Variants in MFSD2B observed in about 807,000 individuals in gnomAD.
MFSD2B encodes the protein MFSD2 lysolipid transporter B, sphingolipid.
A neutral mutation model predicts 58.4 loss-of-function variants in MFSD2B; 56 were observed. The ratio of observed to expected loss-of-function variants is 0.96; its 90% CI spans 0.77 to 1.20. The LOEUF is 1.20. Ranked by LOEUF, MFSD2B falls within the 50% of genes most tolerant of loss-of-function variation. The pLI is 0.00. For synonymous variants in MFSD2B, 287 were observed against 294.4 expected (o/e 0.97, Z 0.26); for missense variants, 645 against 667.6 (o/e 0.97, Z 0.37).
Position 24,024,284 on chromosome 2 carries a change from C to T in MFSD2B, c.1490+13C>T, listed in dbSNP as rs139575327. Reference sequence around the variant, plus strand: ...TGAGCCTTCGGAGGTAAGCCCCGCACGCCCCCTGCAGCCAGCGAGGCACAG... The same window carrying T: ...TGAGCCTTCGGAGGTAAGCCCCGCATGCCCCCTGCAGCCAGCGAGGCACAG... On this transcript the variant is annotated intron_variant, in intron 13 of 13. Transcript: ENST00000338315. This position sits in a 1 kb window ranked among gnomAD's most constrained non-coding sequence, Gnocchi z 4.3. 2,860 of 1,588,832 alleles carry T rather than the reference C, an allele frequency of 1.8e-3. 5 individuals carry two copies. Among genetic ancestry groups the T allele is most frequent in the Non-Finnish European group, 2.1e-3 (2,491 of 1,169,172 alleles).
Position 24,025,677 on chromosome 2 carries a change from G to A in MFSD2B, c.*221G>A. On this transcript the variant is annotated 3_prime_UTR_variant, in exon 14 of 14. Coordinates refer to ENST00000338315, the MANE Select transcript of MFSD2B (RefSeq NM_001346880.2). ...CCTTCAGACTATCTCAGATAGGCCT[G>A]TGCCCCTGACTAGCCCAGTAGCACT... is the stretch of plus-strand genomic sequence containing the variant. 1.8e-6 allele frequency: 1 copy of A among 561,712 alleles called. No individual in the cohort carries two copies. Among genetic ancestry groups the A allele is most frequent in the Non-Finnish European group, 3.2e-6 (1 of 313,190 alleles). 34.8% of individuals were successfully genotyped at this position (561,712 alleles called of 1,614,324 possible). A position where few individuals can be genotyped will look rare whatever the true frequency, so the allele number is the denominator to read the frequency against.
chr2:24,010,696 G>A lies in MFSD2B; in HGVS notation c.96+504G>A, dbSNP rs530243528. ...AGGGAGGAGGGCAGGTGGGAGCGGC[G>A]GGGTCTTCGGGGCCCCTTGTCCCTT... is the stretch of plus-strand genomic sequence containing the variant. On this transcript the variant is annotated intron_variant, in intron 1 of 13. Coordinates refer to ENST00000338315, the MANE Select transcript of MFSD2B (RefSeq NM_001346880.2). 5.9e-5 allele frequency among the ~76,000 whole-genome samples: 9 copies of A among 152,318 alleles called. No homozygotes were observed. The South Asian group carries it at 1.4e-3, about 25-fold the overall frequency.
At chr2:24,019,594 G>C (rs949672661) in intron 6 of MFSD2B, among the ~76,000 whole-genome samples, 2 of 152,246 alleles carry the variant, frequency 1.3e-5, no homozygotes, top group East Asian at 3.9e-4. Context: ...ATGGTGGCAG[G>C]CACCTGTAAT....
In MFSD2B at chr2:24,022,072, G is replaced by A; in HGVS notation, c.894+102G>A. ...GCTTGAGTTTTATAGGGAGAAACCT[G>A]CGGCTGGCACATGGCTCAGAGGGGC... On this transcript the variant is annotated intron_variant, in intron 8 of 13. Transcript: ENST00000338315. The surrounding 1 kb of genome is among the most constrained non-coding windows in gnomAD (Gnocchi z 4.5). 1 of 1,390,946 alleles carries A rather than the reference G, an allele frequency of 7.2e-7. No homozygotes were observed. Among genetic ancestry groups the A allele is most frequent in the Non-Finnish European group, 1.0e-6 (1 of 999,742 alleles). 86.2% of individuals were successfully genotyped at this position (1,390,946 alleles called of 1,614,324 possible).
intron 6 of MFSD2B, chr2:24,018,509 G>A (rs936032304): frequency 1.1e-5 from 2 of 182,558 alleles, no homozygotes; most frequent in African/African-American, 2.4e-5. Context: ...CTGGGTGACC[G>A]ACTACCCCAG....
Position 24,010,129 on chromosome 2 carries a change from G to T in MFSD2B, c.33G>T (p.Gly11=), listed in dbSNP as rs1163189611. 1 of 1,462,694 alleles carries T rather than the reference G, an allele frequency of 6.8e-7. No individual in the cohort carries two copies. The highest frequency in any genetic ancestry group is 1.5e-5 in the African/African-American group (1 of 67,952). The allele number at this position is 1,462,694 out of a possible 1,614,324, so 90.6% of individuals were successfully genotyped here. ...CGCCCCCTGCACCAGCCGCCAAGGG[G>T]TCCCCGCAGCCGGAGCCGCACGCCC... MAAPPAPAAK[G]SPQPEPHAPE... Residue 11 remains glycine, a synonymous_variant, in exon 1 of 14, where the codon GGG becomes GGT. Coordinates refer to ENST00000338315, the MANE Select transcript of MFSD2B (RefSeq NM_001346880.2).
chr2:24,012,149 AAAAC>A lies in MFSD2B; in HGVS notation c.97-1134_97-1131del, dbSNP rs1168978935. On this transcript the variant is annotated intron_variant, in intron 1 of 13. Coordinates refer to ENST00000338315, the MANE Select transcript of MFSD2B (RefSeq NM_001346880.2). The surrounding 1 kb of genome is among the most constrained non-coding windows in gnomAD (Gnocchi z 4.5). ...TCTGGAAACAAACAAACAAACAAACAAAACACACACACACACACACACACACACA... is the reference window on the plus strand; with the variant it reads ...TCTGGAAACAAACAAACAAACAAACAACACACACACACACACACACACACA... Among the ~76,000 whole-genome samples, 1 of 89,990 alleles carries A rather than the reference AAAAC, an allele frequency of 1.1e-5. No homozygotes were observed. Among genetic ancestry groups the A allele is most frequent in the Non-Finnish European group, 2.5e-5 (1 of 40,738 alleles). The allele number at this position is 89,990 out of a possible 152,430, so 59.0% of individuals were successfully genotyped here.
At chr2:24,014,996 G>C (rs551307423) in intron 2 of MFSD2B, among the ~76,000 whole-genome samples, 4 of 152,244 alleles carry the variant, frequency 2.6e-5, no homozygotes, top group African/African-American at 9.6e-5. Context: ...GCACACGCCT[G>C]TAGTCACAGC....
chr2:24,016,774 C>T, intron 3 of MFSD2B, 71 bp from the exon 4 acceptor site: 2 of 1,578,608 alleles, frequency 1.3e-6, no homozygotes, highest in Non-Finnish European at 1.7e-6. Context: ...GGTGGGGTTC[C>T]TCCAGGCTGG....
chr2:24,023,733 C>G lies in MFSD2B; in HGVS notation c.1313+7C>G. 6.2e-7 allele frequency: 1 copy of G among 1,613,422 alleles called. No homozygotes were observed. Among genetic ancestry groups the G allele is most frequent in the African/African-American group, 1.3e-5 (1 of 75,038 alleles). ...TCTCCACCCTCAGTCTGGAGTGAGT[C>G]CCAGGGTTAGGATACAGCAGAGGCA... On this transcript the variant is annotated splice_region_variant and intron_variant, in intron 12 of 13. Transcript: ENST00000338315. The surrounding 1 kb of genome is among the most constrained non-coding windows in gnomAD (Gnocchi z 5.0).
Position 24,026,234 on chromosome 2 carries a change from A to G in MFSD2B, c.*778A>G, listed in dbSNP as rs1294213358. ...CAAAACAAGCGTAACTGAACAGAGT[A>G]TATATATGTATGTATATAAATATAT... On this transcript the variant is annotated 3_prime_UTR_variant, in exon 14 of 14. Transcript: ENST00000338315. 6.6e-6 allele frequency: 1 copy of G among 152,258 alleles called. No homozygotes were observed. Among genetic ancestry groups the G allele is most frequent in the African/African-American group, 2.4e-5 (1 of 41,466 alleles). The allele number at this position is 152,258 out of a possible 1,614,324, so 9.4% of individuals were successfully genotyped here.
rs749594615 is a variant in MFSD2B at position 24,017,276 on chromosome 2, G to A, written c.472-10G>A. 8.2e-6 allele frequency: 13 copies of A among 1,589,880 alleles called. No individual in the cohort carries two copies. The highest frequency in any genetic ancestry group is 1.0e-5 in the Non-Finnish European group (12 of 1,169,132). ...GCTGGGGGCGGTTCTAAGCTCTGCC[G>A]ACGCCCCAGTTCTTCCAGGTGCCCT... On this transcript the variant is annotated splice_polypyrimidine_tract_variant and intron_variant, in intron 4 of 13. Coordinates refer to ENST00000338315, the MANE Select transcript of MFSD2B (RefSeq NM_001346880.2). This position sits in a 1 kb window ranked among gnomAD's most constrained non-coding sequence, Gnocchi z 4.8.
chr2:24,014,689 GTA>G (rs1324225760), intron 2 of MFSD2B, among the ~76,000 whole-genome samples: 1 of 152,198 alleles, frequency 6.6e-6, no homozygotes, highest in Non-Finnish European at 1.5e-5. Flanking sequence ...GGATGGATAT[GTA>G]TATATACATA....
At position 24,017,245 on chromosome 2, in the gene MFSD2B, G is replaced by A. The variant is rs1019685655; in HGVS notation, c.472-41G>A. ...TGGGGGAGGTCGCCCGCTGTCACCA[G>A]GCAAAGCTGGGGGCGGTTCTAAGCT... On this transcript the variant is annotated intron_variant, in intron 4 of 13. Transcript: ENST00000338315. The surrounding 1 kb of genome is among the most constrained non-coding windows in gnomAD (Gnocchi z 4.8). 30 of 1,555,106 alleles carry A rather than the reference G, an allele frequency of 1.9e-5. No individual in the cohort carries two copies. Among genetic ancestry groups the A allele is most frequent in the African/African-American group, 5.5e-5 (4 of 73,240 alleles).
Position 24,017,544 on chromosome 2 carries a change from G to A in MFSD2B, c.637G>A (p.Glu213Lys), listed in dbSNP as rs762530433. 89 of 1,571,092 alleles carry A rather than the reference G, an allele frequency of 5.7e-5. No individual in the cohort carries two copies. Among genetic ancestry groups the A allele is most frequent in the Non-Finnish European group, 7.1e-5 (82 of 1,158,280 alleles). ...CGGCGCCCACAGACCCCACAGGTGC[G>A]AGGCCACTGCGACCCCGGGGCCAGT... ...VSGAHRPHRC[E>K]ATATPGPVTV... The change falls in exon 6 of 14, where the codon GAG becomes AAG. Residue 213 changes from glutamate to lysine, a missense_variant. By Grantham distance (56) the Glu-to-Lys change is moderately conservative. Transcript: ENST00000338315. The surrounding 1 kb of genome is among the most constrained non-coding windows in gnomAD (Gnocchi z 4.8).
chr2:24,013,132 C>T (rs1709013897), intron 1 of MFSD2B, 153 bp from the exon 2 acceptor site: 2 of 605,366 alleles, frequency 3.3e-6, no homozygotes, highest in South Asian at 1.1e-4. Flanking sequence ...CTCACTTCCT[C>T]TTAGGATGAC....
chr2:24,010,132 C>A lies in MFSD2B; in HGVS notation c.36C>A (p.Ser12=), dbSNP rs903554491. ...AAPPAPAAKG[S]PQPEPHAPEP... ...CCCCTGCACCAGCCGCCAAGGGGTC[C>A]CCGCAGCCGGAGCCGCACGCCCCAG... The change falls in exon 1 of 14, where the codon TCC becomes TCA. Residue 12 remains serine, a synonymous_variant. Coordinates refer to ENST00000338315, the MANE Select transcript of MFSD2B (RefSeq NM_001346880.2). 21 of 1,462,740 alleles carry A rather than the reference C, an allele frequency of 1.4e-5. 1 individual carries two copies. The Admixed American group carries it at 5.1e-4, about 35-fold the overall frequency. The allele number at this position is 1,462,740 out of a possible 1,614,324, so 90.6% of individuals were successfully genotyped here. A position where few individuals can be genotyped will look rare whatever the true frequency, so the allele number is the denominator to read the frequency against.
Position 24,013,411 on chromosome 2 carries a change from G to T in MFSD2B, c.222+1G>T. On this transcript the variant is annotated splice_donor_variant, in intron 2 of 13. Transcript: ENST00000338315. LOFTEE classifies it high-confidence loss of function. ...GCTTTTCCTGCTTGATATAGCACAG[G>T]TAAGTGTGGGCAGTAGCCCAGTCTC... 1 of 1,600,852 alleles carries T rather than the reference G, an allele frequency of 6.2e-7. No homozygotes were observed.
Position 24,024,363 on chromosome 2 carries a change from C to T in MFSD2B, c.1490+92C>T, listed in dbSNP as rs2150943404. On this transcript the variant is annotated intron_variant, in intron 13 of 13. Coordinates refer to ENST00000338315, the MANE Select transcript of MFSD2B (RefSeq NM_001346880.2). The surrounding 1 kb of genome is among the most constrained non-coding windows in gnomAD (Gnocchi z 4.3). ...CAGCCTGCAGACATCCCTGCTGTGT[C>T]ACACAGTCCTGCCTCTGGGACCTCT... The T allele has an allele frequency of 1.5e-6, 2 of 1,319,316 alleles. No individual in the cohort carries two copies. The highest frequency in any genetic ancestry group is 2.1e-6 in the Non-Finnish European group (2 of 963,428). 81.7% of individuals were successfully genotyped at this position (1,319,316 alleles called of 1,614,324 possible). A position where few individuals can be genotyped will look rare whatever the true frequency, so the allele number is the denominator to read the frequency against.
Sources: allele counts gnomAD v4.1 joint callset (sites outside exome capture counted in the v4.1 genomes callset), GRCh38; gene constraint gnomAD v4.1.1; non-coding constraint Gnocchi (gnomAD v3.1); transcripts MANE v1.5; gene names NCBI Gene and HGNC (gene_info 2026-07-23, HGNC 2026-07-21).